MAD1L1: variants seen among roughly 807,000 people sequenced by gnomAD.
MAD1L1 encodes mitotic spindle assembly checkpoint protein MAD1.
A neutral mutation model predicts 96.9 loss-of-function variants in MAD1L1; 95 were observed. That is an observed-to-expected ratio of 0.98 (90% confidence interval 0.83 to 1.16). MAD1L1 has a LOEUF of 1.16. Among genes scored for constraint, MAD1L1 ranks in the 50% most tolerant of loss-of-function variants. MAD1L1 has a pLI of 0.00. For missense variants in MAD1L1, 1,007 were observed against 954.4 expected (o/e 1.06, Z -0.73); for synonymous variants, 473 against 396.6 (o/e 1.19, Z -2.29).
intron 15 of MAD1L1, among the ~76,000 whole-genome samples, chr7:1,970,885 C>T (rs917637356): frequency 1.1e-4 from 16 of 152,142 alleles, no homozygotes; most frequent in African/African-American, 3.6e-4. Context: ...CTATGACCTG[C>T]TCCCCGGATA....
chr7:2,014,205 G>C (rs1447071231), intron 13 of MAD1L1, among the ~76,000 whole-genome samples: 4 of 152,208 alleles, frequency 2.6e-5, no homozygotes, highest in Non-Finnish European at 5.9e-5. Context: ...CCTTTGGCAG[G>C]CATCATGAGG....
At chr7:2,062,467 C>T (rs566296279) in intron 12 of MAD1L1, among the ~76,000 whole-genome samples, 2 of 151,704 alleles carry the variant, frequency 1.3e-5, no homozygotes, top group Admixed American at 6.6e-5. Flanking sequence ...CCCAGCTACT[C>T]GAGAGGCTGA....
chr7:2,172,574 G>A (rs967620259), intron 10 of MAD1L1, among the ~76,000 whole-genome samples: 2 of 152,224 alleles, frequency 1.3e-5, no homozygotes, highest in South Asian at 2.1e-4. Flanking sequence ...CCGCCGCCAG[G>A]ACGGGGCAGC....
At chr7:1,906,522 C>T (rs1787640742) in intron 17 of MAD1L1, among the ~76,000 whole-genome samples, 1 of 152,256 alleles carries the variant, frequency 6.6e-6, no homozygotes, top group African/African-American at 2.4e-5. Flanking sequence ...TCGCTCCAGT[C>T]TCTGGCTCCT....
intron 11 of MAD1L1, among the ~76,000 whole-genome samples, chr7:2,132,196 A>C (rs995625949): frequency 1.3e-5 from 2 of 152,116 alleles, no homozygotes; most frequent in African/African-American, 4.8e-5. Flanking sequence ...TTACAGGAAA[A>C]CTGAGGAGAA....
intron 10 of MAD1L1, among the ~76,000 whole-genome samples, chr7:2,178,444 C>A (rs1303155432): frequency 6.6e-6 from 1 of 152,188 alleles, no homozygotes; most frequent in African/African-American, 2.4e-5. Context: ...CAGCCAACAG[C>A]AACAAAACTC....
chr7:2,225,761 C>CT (rs1385969919), intron 3 of MAD1L1, among the ~76,000 whole-genome samples: 1 of 152,218 alleles, frequency 6.6e-6, no homozygotes, highest in African/African-American at 2.4e-5. Flanking sequence ...AGGAAGACGT[C>CT]TTTTGAGATG....
intron 11 of MAD1L1, among the ~76,000 whole-genome samples, chr7:2,093,451 A>G (rs1336597112): frequency 6.6e-6 from 1 of 152,208 alleles, no homozygotes; most frequent in Non-Finnish European, 1.5e-5. Context: ...GATCCTGGCC[A>G]AAACAGTCAC....
intron 14 of MAD1L1, among the ~76,000 whole-genome samples, chr7:1,981,579 CCT>C (rs1469354309): frequency 1.3e-5 from 2 of 152,114 alleles, no homozygotes; most frequent in African/African-American, 4.8e-5. Flanking sequence ...TCCCACCAGT[CCT>C]GACCCACTCC....
intron 17 of MAD1L1, among the ~76,000 whole-genome samples, chr7:1,933,128 G>A (rs139611357): frequency 0.014 from 2,106 of 152,220 alleles, 43 homozygotes; most frequent in African/African-American, 0.048. Flanking sequence ...TCTGCGTTTC[G>A]CTGTGCTCTG....
intron 10 of MAD1L1, among the ~76,000 whole-genome samples, chr7:2,182,358 T>A (rs561106512): frequency 2.0e-5 from 3 of 151,810 alleles, no homozygotes; most frequent in Non-Finnish European, 2.9e-5. Context: ...GGGTTAAAAA[T>A]TCAGAGAAAC....
At chr7:1,894,869 G>A (rs1281631803) in intron 18 of MAD1L1, among the ~76,000 whole-genome samples, 1 of 152,094 alleles carries the variant, frequency 6.6e-6, no homozygotes, top group African/African-American at 2.4e-5. Context: ...GAAGCCTAGG[G>A]AGAAATGGAG....
intron 11 of MAD1L1, among the ~76,000 whole-genome samples, chr7:2,122,756 T>C (rs975209256): frequency 2.0e-5 from 3 of 152,230 alleles, no homozygotes; most frequent in Non-Finnish European, 4.4e-5. Flanking sequence ...GACTGCCACC[T>C]GTGCAGGTGC....
At chr7:2,168,296 A>G (rs1397000278) in intron 10 of MAD1L1, among the ~76,000 whole-genome samples, 1 of 151,474 alleles carries the variant, frequency 6.6e-6, no homozygotes, top group Non-Finnish European at 1.5e-5. Context: ...AAAGAAAAAA[A>G]AAGAACAGTG....
intron 11 of MAD1L1, among the ~76,000 whole-genome samples, chr7:2,090,679 C>T (rs538911416): frequency 1.3e-5 from 2 of 152,322 alleles, no homozygotes; most frequent in South Asian, 4.1e-4. Context: ...CAGGCAGGCC[C>T]CCCGCAGGGT....
In MAD1L1 at chr7:2,121,749, G is replaced by C. The variant is rs540269858; in HGVS notation, c.1073+27403C>G. Among the ~76,000 whole-genome samples, 639 of 152,292 alleles carry C rather than the reference G, an allele frequency of 4.2e-3. 9 individuals are homozygous for C. Among genetic ancestry groups the C allele is most frequent in the African/African-American group, 0.015 (606 of 41,552 alleles). ...GGAGGGAAAGGTCACACCTTTCTAC[G>C]AGCCTGATGATGTCCCACCTCCCTC... On this transcript the variant is annotated intron_variant, in intron 11 of 18. Coordinates refer to ENST00000265854, the MANE Select transcript of MAD1L1 (RefSeq NM_001013836.2).
At chr7:2,049,811 CATCT>C in intron 12 of MAD1L1, among the ~76,000 whole-genome samples, 1 of 151,876 alleles carries the variant, frequency 6.6e-6, no homozygotes, top group Non-Finnish European at 1.5e-5. Context: ...CCTCATCCAA[CATCT>C]GCTGGCACCA....
chr7:1,912,765 A>C (rs1311009402), intron 17 of MAD1L1, among the ~76,000 whole-genome samples: 1 of 152,204 alleles, frequency 6.6e-6, no homozygotes, highest in African/African-American at 2.4e-5. Flanking sequence ...CCCCACAGCG[A>C]TATCACAGCC....
At chr7:1,999,233 G>A (rs1311171230) in intron 14 of MAD1L1, among the ~76,000 whole-genome samples, 1 of 152,144 alleles carries the variant, frequency 6.6e-6, no homozygotes, top group Non-Finnish European at 1.5e-5. Context: ...AACACAGAGA[G>A]GAAAATAAAC....
Sources: gnomAD v4.1 joint callset for allele counts (sites outside exome capture counted in the v4.1 genomes callset) on GRCh38, gnomAD v4.1.1 for gene constraint, MANE v1.5 for transcripts, NCBI Gene and HGNC (gene_info 2026-07-23, HGNC 2026-07-21) for gene names.